Variants in PAH observed in about 807,000 individuals in gnomAD.
PAH encodes phenylalanine hydroxylase.
Under a neutral mutation model 62.0 loss-of-function variants are expected in PAH, and 64 were observed. The observed-to-expected ratio is 1.03, with a 90% CI of 0.84 to 1.27. The LOEUF is 1.27. PAH is among the 50% of genes most tolerant of loss of function. The probability of loss-of-function intolerance (pLI) is 0.00; values close to 1 mark genes in which losing one functional copy is unlikely to be tolerated. For synonymous variants in PAH, 195 were observed against 196.2 expected (o/e 0.99, Z 0.05); for missense variants, 579 against 542.8 (o/e 1.07, Z -0.66).
chr12:102,904,215 G>T (rs1877880140), intron 2 of PAH, among the ~76,000 whole-genome samples: 1 of 152,168 alleles, frequency 6.6e-6, no homozygotes, highest in Non-Finnish European at 1.5e-5. Context: ...AGGTCTTCAA[G>T]CTCACAGGTT....
intron 5 of PAH, among the ~76,000 whole-genome samples, chr12:102,861,966 T>TAAAAAAAA (rs71097947): frequency 9.2e-4 from 118 of 128,178 alleles, no homozygotes; most frequent in African/African-American, 1.4e-3. Flanking sequence ...ACTTAAAGTA[T>TAAAAAAAA]AAAAAAAAAA....
chr12:102,864,562 A>C (rs1437572078), intron 5 of PAH, among the ~76,000 whole-genome samples: 6 of 152,144 alleles, frequency 3.9e-5, no homozygotes, highest in Non-Finnish European at 8.8e-5. Context: ...AAAGCACAAA[A>C]ATGTTAAAAA....
intron 4 of PAH, chr12:102,877,145 C>A (rs1174207574): frequency 5.0e-6 from 2 of 401,040 alleles, no homozygotes; most frequent in Non-Finnish European, 9.5e-6. Context: ...TTGACTTAAA[C>A]CTCCATAGAT....
chr12:102,921,526 G>T (rs2136739197), upstream of PAH, among the ~76,000 whole-genome samples: 1 of 152,222 alleles, frequency 6.6e-6, no homozygotes, highest in Non-Finnish European at 1.5e-5. Flanking sequence ...AAGTAATTTT[G>T]AAATAACAAG....
chr12:102,842,916 G>T (rs1874653538), intron 11 of PAH, among the ~76,000 whole-genome samples: 1 of 152,146 alleles, frequency 6.6e-6, no homozygotes, highest in Admixed American at 6.6e-5. Flanking sequence ...GTGAGTATTA[G>T]GATATTCATG....
intron 1 of PAH, among the ~76,000 whole-genome samples, chr12:102,925,450 C>G (rs34879955): frequency 0.032 from 4,817 of 152,212 alleles, 266 homozygotes; most frequent in African/African-American, 0.11. Context: ...CTTCTACTTT[C>G]TTTAAACTCA....
chr12:102,924,267 A>G (rs1878627656), intron 1 of PAH, among the ~76,000 whole-genome samples: 1 of 152,224 alleles, frequency 6.6e-6, no homozygotes, highest in African/African-American at 2.4e-5. Context: ...ATCTCTTAGC[A>G]TGCATGTCCT....
At chr12:102,942,844 G>A (rs1264042773) in intron 1 of PAH, among the ~76,000 whole-genome samples, 4 of 152,142 alleles carry the variant, frequency 2.6e-5, no homozygotes, top group African/African-American at 9.7e-5. Flanking sequence ...AAATGGTGCT[G>A]GGATAGAGGA....
rs185111732 is a variant in PAH at position 102,909,681 on chromosome 12, C to T, written c.168+3110G>A. 3.8e-4 allele frequency among the ~76,000 whole-genome samples: 58 copies of T among 152,238 alleles called. No homozygotes were observed. The East Asian group carries it at 9.7e-3, about 25-fold the overall frequency. Reference sequence around the variant, plus strand: ...AACTCAGGGTAAAAATTAATTGGCCCTGGCTGGTAGCTCACGCCTGTAATC... The same window carrying T: ...AACTCAGGGTAAAAATTAATTGGCCTTGGCTGGTAGCTCACGCCTGTAATC... On this transcript the variant is annotated intron_variant, in intron 2 of 12. Transcript: ENST00000553106.
In PAH at chr12:102,855,119, C is replaced by A. The variant is rs62508592; in HGVS notation, c.706+17G>T. On this transcript the variant is annotated intron_variant, in intron 6 of 12. Coordinates refer to ENST00000553106, the MANE Select transcript of PAH (RefSeq NM_000277.3). ...CCCCAACTTTCTGCAGGGCCATTGACCCTGATGTGGACTTACTCTGCAGGA... is the reference window on the plus strand; with the variant it reads ...CCCCAACTTTCTGCAGGGCCATTGAACCTGATGTGGACTTACTCTGCAGGA... 216 of 1,608,022 alleles carry A rather than the reference C, an allele frequency of 1.3e-4. No individual in the cohort carries two copies. In the African/African-American group the frequency reaches 2.3e-3, roughly 17 times the overall value.
intron 1 of PAH, among the ~76,000 whole-genome samples, chr12:102,916,256 T>G (rs984641148): frequency 6.6e-6 from 1 of 152,198 alleles, no homozygotes; most frequent in Non-Finnish European, 1.5e-5. Context: ...TGTTTTCTAC[T>G]GAGAACTCTT....
chr12:102,880,646 A>G (rs1179231203), intron 3 of PAH, among the ~76,000 whole-genome samples: 2 of 152,196 alleles, frequency 1.3e-5, no homozygotes, highest in African/African-American at 4.8e-5. Context: ...AGGAGATTCC[A>G]CAAATATGTA....
intron 1 of PAH, among the ~76,000 whole-genome samples, chr12:102,929,268 G>A (rs981806183): frequency 2.6e-5 from 4 of 152,070 alleles, no homozygotes; most frequent in Non-Finnish European, 4.4e-5. Flanking sequence ...TCAAATCACA[G>A]GAATAAATTC....
At chr12:102,839,788 C>G (rs1400906837) in intron 12 of PAH, among the ~76,000 whole-genome samples, 2 of 152,204 alleles carry the variant, frequency 1.3e-5, no homozygotes, top group African/African-American at 4.8e-5. Flanking sequence ...TCCATTTATG[C>G]TATGTCTTCA....
rs565281224 is a variant in PAH at position 102,839,034 on chromosome 12, T to G, written c.*141A>C. ...TGTCATTTCAGATTATTTTGACTTA[T>G]TTGTTGTTTCTCCATCTTGTAAAGG... is the stretch of plus-strand genomic sequence containing the variant. On this transcript the variant is annotated 3_prime_UTR_variant, in exon 13 of 13. Coordinates refer to ENST00000553106, the MANE Select transcript of PAH (RefSeq NM_000277.3). 2.7e-6 allele frequency: 2 copies of G among 733,278 alleles called. No homozygotes were observed. The highest frequency in any genetic ancestry group is 2.1e-5 in the Admixed American group (1 of 47,958). The allele number at this position is 733,278 out of a possible 1,614,324, so 45.4% of individuals were successfully genotyped here. A position where few individuals can be genotyped will look rare whatever the true frequency, so the allele number is the denominator to read the frequency against.
intron 3 of PAH, among the ~76,000 whole-genome samples, chr12:102,878,402 G>A (rs1876666902): frequency 6.6e-6 from 1 of 152,142 alleles, no homozygotes; most frequent in South Asian, 2.1e-4. Context: ...AAGGGGTTGG[G>A]CTTGAGTGGG....
intron 9 of PAH, among the ~76,000 whole-genome samples, chr12:102,845,615 A>T (rs1874802809): frequency 6.6e-6 from 1 of 152,212 alleles, no homozygotes; most frequent in Non-Finnish European, 1.5e-5. Flanking sequence ...GAGCTCAGTT[A>T]GCTGCTGGAG....
intron 4 of PAH, among the ~76,000 whole-genome samples, chr12:102,876,315 TA>T (rs1009888582): frequency 2.0e-5 from 3 of 152,180 alleles, no homozygotes; most frequent in African/African-American, 7.2e-5. Context: ...TTGGCCTCTG[TA>T]AAAGAGCCTG....
At chr12:102,943,709 C>T (rs1879378359) in intron 1 of PAH, among the ~76,000 whole-genome samples, 1 of 152,142 alleles carries the variant, frequency 6.6e-6, no homozygotes, top group Admixed American at 6.5e-5. Flanking sequence ...ACGACATATA[C>T]ACCATGGAAT....
Sources: gnomAD v4.1 joint callset for allele counts (sites outside exome capture counted in the v4.1 genomes callset) on GRCh38, gnomAD v4.1.1 for gene constraint, MANE v1.5 for transcripts, NCBI Gene and HGNC (gene_info 2026-07-23, HGNC 2026-07-21) for gene names.